Variants in SLC35F3 observed in about 807,000 individuals in gnomAD.
The protein encoded by SLC35F3 is putative thiamine transporter SLC35F3.
A neutral mutation model predicts 49.9 loss-of-function variants in SLC35F3; 25 were observed. The observed-to-expected ratio is 0.50, with a 90% CI of 0.37 to 0.70. The LOEUF (loss-of-function observed/expected upper bound fraction) is 0.70. Among genes scored for constraint, SLC35F3 ranks in the 30% least tolerant of loss-of-function variants. SLC35F3 has a pLI of 0.00. For synonymous variants in SLC35F3, 275 were observed against 265.4 expected, an observed-to-expected ratio of 1.04 and a Z score of -0.35; for missense variants, 525 against 639.8, an observed-to-expected ratio of 0.82 and a Z score of 1.94.
intron 2 of SLC35F3, among the ~76,000 whole-genome samples, chr1:233,979,643 G>C (rs1481158247): frequency 6.6e-6 from 1 of 152,042 alleles, no homozygotes. Flanking sequence ...TCCATGCACT[G>C]TTTTAAAAAA....
At chr1:233,905,386 C>A in intron 1 of SLC35F3, 143 bp from the exon 2 acceptor site, 2 of 722,738 alleles carry the variant, frequency 2.8e-6, no homozygotes, top group Non-Finnish European at 4.5e-6. Context: ...AAGGGAGGAG[C>A]GCGGGCTCTG....
At chr1:234,160,963 G>A (rs1666218651) in intron 2 of SLC35F3, among the ~76,000 whole-genome samples, 1 of 152,120 alleles carries the variant, frequency 6.6e-6, no homozygotes, top group Non-Finnish European at 1.5e-5. Flanking sequence ...TAAATTAATA[G>A]GGTCAGGCTC....
intron 2 of SLC35F3, among the ~76,000 whole-genome samples, chr1:233,967,101 C>T (rs931110299): frequency 1.3e-4 from 20 of 152,160 alleles, no homozygotes; most frequent in Non-Finnish European, 2.1e-4. Context: ...AATAATTTCT[C>T]AGTATAATTC....
At chr1:234,048,797 A>G (rs1664332011) in intron 2 of SLC35F3, among the ~76,000 whole-genome samples, 2 of 152,224 alleles carry the variant, frequency 1.3e-5, no homozygotes, top group South Asian at 4.1e-4. Flanking sequence ...AAGGCAGTAC[A>G]TTGAGCCAAA....
chr1:234,308,281 G>C (rs140323208), intron 3 of SLC35F3, among the ~76,000 whole-genome samples: 67 of 152,236 alleles, frequency 4.4e-4, no homozygotes, highest in Middle Eastern at 3.4e-3. Context: ...GCCCCTGCCT[G>C]ATCACAAAGA....
At chr1:234,271,121 T>G (rs1055437627) in intron 3 of SLC35F3, among the ~76,000 whole-genome samples, 3 of 152,196 alleles carry the variant, frequency 2.0e-5, no homozygotes, top group African/African-American at 7.2e-5. Context: ...TTGGATGAAG[T>G]TCAAATCATA....
At chr1:234,074,008 T>C (rs1022997025) in intron 2 of SLC35F3, among the ~76,000 whole-genome samples, 2 of 152,222 alleles carry the variant, frequency 1.3e-5, no homozygotes, top group Non-Finnish European at 2.9e-5. Flanking sequence ...GAAGCCATAT[T>C]GAGTGTGGCA....
chr1:234,299,576 C>T (rs533466761), intron 3 of SLC35F3, among the ~76,000 whole-genome samples: 36 of 152,100 alleles, frequency 2.4e-4, no homozygotes, highest in African/African-American at 6.3e-4. Flanking sequence ...GAGGCCAAGA[C>T]GGGCAGATCA....
At chr1:234,167,284 A>G (rs1037192647) in intron 2 of SLC35F3, among the ~76,000 whole-genome samples, 1 of 152,078 alleles carries the variant, frequency 6.6e-6, no homozygotes, top group African/African-American at 2.4e-5. Context: ...CCACACTTCT[A>G]TTGGCATTGC....
At chr1:234,169,793 A>C (rs1431318894) in intron 2 of SLC35F3, among the ~76,000 whole-genome samples, 1 of 151,668 alleles carries the variant, frequency 6.6e-6, no homozygotes, top group African/African-American at 2.4e-5. Flanking sequence ...TTTGAGTTGG[A>C]GTCTCACTCT....
intron 2 of SLC35F3, among the ~76,000 whole-genome samples, chr1:234,003,253 G>T (rs1308379872): frequency 6.6e-6 from 1 of 151,896 alleles, no homozygotes; most frequent in Non-Finnish European, 1.5e-5. Context: ...AGGGATGCTG[G>T]AGAATTAGTA....
chr1:234,029,643 G>T (rs1664028556), intron 2 of SLC35F3, among the ~76,000 whole-genome samples: 1 of 152,142 alleles, frequency 6.6e-6, no homozygotes, highest in African/African-American at 2.4e-5. Context: ...AAAGTCATTG[G>T]TTTCTTCCTA....
In SLC35F3 at chr1:234,172,209, G is replaced by A. The variant is rs1228646319; in HGVS notation, c.284-59208G>A. Among the ~76,000 whole-genome samples, 5 of 152,206 alleles carry A rather than the reference G, an allele frequency of 3.3e-5. No individual in the cohort carries two copies. In the East Asian group the frequency reaches 9.7e-4, roughly 29 times the overall value. ...GCCTTGCAATAGGGTCAGTGCCACA[G>A]CCCCAAGAACACATCAATTATTTTT... On this transcript the variant is annotated intron_variant, in intron 2 of 7. Transcript: ENST00000366618.
chr1:234,262,421 G>A (rs759012322), intron 3 of SLC35F3, among the ~76,000 whole-genome samples: 1 of 152,156 alleles, frequency 6.6e-6, no homozygotes, highest in Admixed American at 6.5e-5. Context: ...ATTAATGAAA[G>A]CCCTCTCCAG....
chr1:234,253,959 G>C (rs1298514905), intron 3 of SLC35F3, among the ~76,000 whole-genome samples: 1 of 152,186 alleles, frequency 6.6e-6, no homozygotes, highest in Admixed American at 6.5e-5. Flanking sequence ...TCCCTATTAT[G>C]ACCCTACTGC....
At chr1:234,298,342 C>T (rs916207899) in intron 3 of SLC35F3, among the ~76,000 whole-genome samples, 1 of 152,138 alleles carries the variant, frequency 6.6e-6, no homozygotes, top group African/African-American at 2.4e-5. Flanking sequence ...GATCTTCCCC[C>T]ATATTTACCT....
intron 2 of SLC35F3, among the ~76,000 whole-genome samples, chr1:233,927,724 A>G (rs1161342732): frequency 1.3e-5 from 2 of 152,166 alleles, no homozygotes; most frequent in Non-Finnish European, 2.9e-5. Context: ...TGTCTCCCAG[A>G]GTATGATCTA....
chr1:234,224,872 T>C (rs1194687337), intron 2 of SLC35F3, among the ~76,000 whole-genome samples: 1 of 152,226 alleles, frequency 6.6e-6, no homozygotes, highest in Non-Finnish European at 1.5e-5. Context: ...GGTGTATGTA[T>C]TGGGTGTCTA....
intron 2 of SLC35F3, among the ~76,000 whole-genome samples, chr1:234,066,737 TTCTC>T (rs1171567078): frequency 1.1e-4 from 15 of 137,352 alleles, no homozygotes; most frequent in Admixed American, 1.4e-4. Flanking sequence ...CTCCCTCCCT[TTCTC>T]TCTCTTTCTC....
Sources: allele counts gnomAD v4.1 joint callset (sites outside exome capture counted in the v4.1 genomes callset), GRCh38; gene constraint gnomAD v4.1.1; transcripts MANE v1.5; gene names NCBI Gene and HGNC (gene_info 2026-07-23, HGNC 2026-07-21).